The following ATXN7L1 variants were observed in gnomAD, a reference collection of about 807,000 sequenced individuals.
ATXN7L1 encodes the protein ataxin 7 like 1.
ATXN7L1 carries 15 observed loss-of-function variants against 70.8 expected under a neutral mutation model. The ratio of observed to expected loss-of-function variants is 0.21; its 90% CI spans 0.14 to 0.33. The LOEUF is 0.33. Among genes scored for constraint, ATXN7L1 ranks in the 10% least tolerant of loss-of-function variants. The probability of loss-of-function intolerance (pLI) is 1.00; values close to 1 mark genes in which losing one functional copy is unlikely to be tolerated. For missense variants in ATXN7L1, 975 were observed against 1,097.1 expected (o/e 0.89, Z 1.57); for synonymous variants, 440 against 445.1 (o/e 0.99, Z 0.14).
intron 3 of ATXN7L1, among the ~76,000 whole-genome samples, chr7:105,748,644 G>A (rs574826440): frequency 2.0e-5 from 3 of 152,300 alleles, no homozygotes; most frequent in Admixed American, 1.3e-4. Flanking sequence ...CTAGAAAGCT[G>A]AGGCTCACCC....
At chr7:105,692,424 T>C (rs13229430) in intron 3 of ATXN7L1, among the ~76,000 whole-genome samples, 1,222 of 87,824 alleles carry the variant, frequency 0.014, 26 homozygotes, top group East Asian at 0.032. Flanking sequence ...CTTCCTTCCT[T>C]CCTCCCTCCC....
intron 2 of ATXN7L1, among the ~76,000 whole-genome samples, chr7:105,829,592 C>T (rs1811321580): frequency 1.3e-5 from 2 of 152,148 alleles, no homozygotes; most frequent in South Asian, 4.1e-4. Flanking sequence ...TTAACAGCTA[C>T]AAAACACCCA....
chr7:105,665,261 G>T lies in ATXN7L1; in HGVS notation c.383C>A (p.Pro128His). The T allele has an allele frequency of 6.4e-7, 1 of 1,551,542 alleles. No individual in the cohort carries two copies. The highest frequency in any genetic ancestry group is 1.2e-5 in the South Asian group (1 of 84,052). The change falls in exon 4 of 12, where the codon CCT (proline) becomes CAT (histidine). Residue 128 changes from proline (P) to histidine (H), a missense_variant. Physicochemically the swap from Pro to His is moderately conservative, Grantham distance 77. Around this residue, in one of 5 missense-constraint regions of ATXN7L1, gnomAD observed 192 missense variants for 215.5 expected, o/e 0.89. Transcript: ENST00000419735. Reference protein sequence around the residue: ...CERRHGSMCRPSPSPVSPASN... With the variant: ...CERRHGSMCRHSPSPVSPASN... ...GGCTGGAGACACTGGAGAGGGAGAAGGTCTACACATTGAACCGTGTCTTCT... is the reference window on the plus strand; with the variant it reads ...GGCTGGAGACACTGGAGAGGGAGAATGTCTACACATTGAACCGTGTCTTCT...
At position 105,761,742 on chromosome 7, in the gene ATXN7L1, A is replaced by G. The variant is rs79468951; in HGVS notation, c.355+26862T>C. 6.9e-3 allele frequency among the ~76,000 whole-genome samples: 1,057 copies of G among 152,248 alleles called. 21 individuals carry two copies. The highest frequency in any genetic ancestry group is 0.023 in the African/African-American group (971 of 41,548). The stretch of plus-strand genomic sequence containing the variant: ...GTGGGGGCAGGAGTGCAAGACCTGA[A>G]TTCCTATACCTTTTTAATGGGGTAT... On this transcript the variant is annotated intron_variant, in intron 3 of 11. Transcript: ENST00000419735.
intron 3 of ATXN7L1, among the ~76,000 whole-genome samples, chr7:105,751,762 G>A (rs1584920312): frequency 6.6e-6 from 1 of 152,336 alleles, no homozygotes; most frequent in East Asian, 1.9e-4. Flanking sequence ...CACTAGACTT[G>A]AAGACTACTC....
chr7:105,737,158 T>G (rs1350040678), intron 3 of ATXN7L1, among the ~76,000 whole-genome samples: 2 of 152,238 alleles, frequency 1.3e-5, no homozygotes, highest in Non-Finnish European at 2.9e-5. Flanking sequence ...ACATTTTATT[T>G]TGCCAGGAAC....
At chr7:105,671,151 C>T (rs923521378) in intron 3 of ATXN7L1, among the ~76,000 whole-genome samples, 2 of 137,572 alleles carry the variant, frequency 1.5e-5, no homozygotes, top group Non-Finnish European at 3.0e-5. Flanking sequence ...GGTGTGGTGG[C>T]GGGTGCCTGT....
chr7:105,761,688 A>G lies in ATXN7L1; in HGVS notation c.355+26916T>C, dbSNP rs542841885. On this transcript the variant is annotated intron_variant, in intron 3 of 11. Transcript: ENST00000419735. ...TTCCATATTTCTCCTAGTAGAAAGCAGTTTCAGGGGGAATGGAATGGCGGT... is the reference window on the plus strand; with the variant it reads ...TTCCATATTTCTCCTAGTAGAAAGCGGTTTCAGGGGGAATGGAATGGCGGT... 2.6e-5 allele frequency among the ~76,000 whole-genome samples: 4 copies of G among 152,262 alleles called. No homozygotes were observed. In the East Asian group the frequency reaches 7.7e-4, roughly 29 times the overall value.
chr7:105,629,673 G>C (rs186057723), intron 7 of ATXN7L1, among the ~76,000 whole-genome samples: 1 of 144,762 alleles, frequency 6.9e-6, no homozygotes, highest in Non-Finnish European at 1.5e-5. Context: ...CTGCCACCAC[G>C]CCCGGCTAAT....
At position 105,819,759 on chromosome 7, in the gene ATXN7L1, C is replaced by T; in HGVS notation, c.251-31051G>A. On this transcript the variant is annotated intron_variant, in intron 2 of 11. Transcript: ENST00000419735. ...GCTGACCTCGAGGCATGTTGCCCCA[C>T]AAGACAAAGCAAGGCCGGGCCGCCC... is the stretch of plus-strand genomic sequence containing the variant. 6 of 717,474 alleles carry T rather than the reference C, an allele frequency of 8.4e-6. 1 individual carries two copies. Among genetic ancestry groups the T allele is most frequent in the South Asian group, 6.9e-5 (5 of 72,742 alleles). The allele number at this position is 717,474 out of a possible 1,614,324, so 44.4% of individuals were successfully genotyped here. A position where few individuals can be genotyped will look rare whatever the true frequency, so the allele number is the denominator to read the frequency against.
chr7:105,861,709 C>CA (rs933497601), intron 2 of ATXN7L1, among the ~76,000 whole-genome samples: 2 of 152,088 alleles, frequency 1.3e-5, no homozygotes, highest in African/African-American at 4.8e-5. Flanking sequence ...GGGTCCGGAG[C>CA]AAATGCAGAG....
intron 10 of ATXN7L1, chr7:105,613,639 A>T (rs1055402721): frequency 2.9e-5 from 41 of 1,414,060 alleles, no homozygotes; most frequent in Non-Finnish European, 3.8e-5. Context: ...GTGAGGTAAT[A>T]ACCGTAAAGT....
At chr7:105,627,051 T>G (rs1222063500) in intron 7 of ATXN7L1, among the ~76,000 whole-genome samples, 1 of 152,222 alleles carries the variant, frequency 6.6e-6, no homozygotes, top group Non-Finnish European at 1.5e-5. Flanking sequence ...CACAATTTAC[T>G]TAACAAATCT....
chr7:105,673,302 G>A (rs561032248), intron 3 of ATXN7L1, among the ~76,000 whole-genome samples: 2 of 152,310 alleles, frequency 1.3e-5, no homozygotes, highest in East Asian at 1.9e-4. Flanking sequence ...TGGCTGAGCC[G>A]GCTGCAAATA....
chr7:105,649,389 C>T (rs542461245), intron 4 of ATXN7L1: 55 of 987,588 alleles, frequency 5.6e-5, no homozygotes, highest in Non-Finnish European at 6.1e-5. Flanking sequence ...CCCCTTGCTA[C>T]GTGGGGGCGA....
chr7:105,860,136 TATATATATATAC>T (rs1238239724), intron 2 of ATXN7L1, among the ~76,000 whole-genome samples: 6,955 of 84,372 alleles, frequency 0.082, 379 homozygotes, highest in Middle Eastern at 0.12. Flanking sequence ...TAAATATATA[TATATATATATAC>T]ATATATATAT....
chr7:105,864,335 G>A (rs1668390857), intron 2 of ATXN7L1, among the ~76,000 whole-genome samples: 1 of 151,544 alleles, frequency 6.6e-6, no homozygotes, highest in South Asian at 2.1e-4. Context: ...GCACACGCCT[G>A]TAGTCCTAGC....
intron 3 of ATXN7L1, among the ~76,000 whole-genome samples, chr7:105,784,097 G>GT (rs1803919099): frequency 6.6e-6 from 1 of 152,170 alleles, no homozygotes; most frequent in Non-Finnish European, 1.5e-5. Flanking sequence ...GAGTAGCTGG[G>GT]ACAACAGGCA....
At chr7:105,638,080 T>A (rs1005854473) in intron 7 of ATXN7L1, among the ~76,000 whole-genome samples, 1 of 152,158 alleles carries the variant, frequency 6.6e-6, no homozygotes, top group Non-Finnish European at 1.5e-5. Context: ...TGATATAAGA[T>A]CTGCTTGTCT....
Sources: allele counts gnomAD v4.1 joint callset (sites outside exome capture counted in the v4.1 genomes callset), GRCh38; gene constraint gnomAD v4.1.1; regional missense constraint gnomAD v4.1.1; transcripts MANE v1.5; gene names NCBI Gene and HGNC (gene_info 2026-07-23, HGNC 2026-07-21).